Variants in GPATCH1 observed in about 807,000 individuals in gnomAD.
GPATCH1 encodes the protein G patch domain-containing protein 1.
GPATCH1 carries 73 observed loss-of-function variants against 114.9 expected under a neutral mutation model. The observed-to-expected ratio is 0.64, with a 90% CI of 0.53 to 0.77. GPATCH1 has a LOEUF of 0.77. Among genes scored for constraint, GPATCH1 ranks in the 30% least tolerant of loss-of-function variants. The pLI is 0.00. For synonymous variants in GPATCH1, 391 were observed against 428.4 expected (o/e 0.91, Z 1.08); for missense variants, 1,058 against 1,144.3 (o/e 0.92, Z 1.09).
chr19:33,109,457 G>A (rs1373905749), intron 10 of GPATCH1, among the ~76,000 whole-genome samples: 2 of 152,112 alleles, frequency 1.3e-5, no homozygotes, highest in Non-Finnish European at 2.9e-5. Flanking sequence ...AGGTTGCAGT[G>A]AGCTGAGATG....
At chr19:33,085,314 C>T (rs768087594) in intron 1 of GPATCH1, among the ~76,000 whole-genome samples, 2 of 151,982 alleles carry the variant, frequency 1.3e-5, no homozygotes, top group African/African-American at 2.4e-5. Context: ...TGGGCTCAAG[C>T]GATCCTCCCA....
intron 3 of GPATCH1, among the ~76,000 whole-genome samples, chr19:33,091,778 A>G (rs1806513868): frequency 6.6e-6 from 1 of 152,150 alleles, no homozygotes; most frequent in Admixed American, 6.6e-5. Flanking sequence ...AAGATTAAAT[A>G]AAACATTTAT....
intron 12 of GPATCH1, 21 bp from the exon 13 acceptor site, chr19:33,112,465 A>AG (rs776733768): frequency 6.2e-7 from 1 of 1,613,806 alleles, no homozygotes; most frequent in East Asian, 2.2e-5. Context: ...TTGATGGAAC[A>AG]GAATGCATGT....
intron 8 of GPATCH1, among the ~76,000 whole-genome samples, chr19:33,101,161 CT>C (rs1479148727): frequency 2.0e-5 from 3 of 152,162 alleles, no homozygotes; most frequent in Non-Finnish European, 4.4e-5. Flanking sequence ...GGTGGTTTTT[CT>C]TGATCTTTTA....
chr19:33,121,320 C>CTTTTTT (rs534893516), intron 17 of GPATCH1, among the ~76,000 whole-genome samples: 9 of 124,522 alleles, frequency 7.2e-5, no homozygotes, highest in East Asian at 2.2e-4. Flanking sequence ...CTTTTCTTTT[C>CTTTTTT]TTTTTTTTTT....
intron 1 of GPATCH1, among the ~76,000 whole-genome samples, chr19:33,083,150 G>A (rs569227647): frequency 7.3e-5 from 11 of 150,048 alleles, no homozygotes; most frequent in Non-Finnish European, 1.5e-4. Flanking sequence ...AGGCTGAGGC[G>A]GGAGAATGGC....
chr19:33,095,702 T>TA (rs1972649542), intron 5 of GPATCH1, 60 bp from the exon 6 acceptor site: 2 of 1,180,646 alleles, frequency 1.7e-6, no homozygotes, highest in Admixed American at 1.7e-5. Context: ...GCGCCCGGCC[T>TA]GGTCGGGGTT....
intron 1 of GPATCH1, among the ~76,000 whole-genome samples, chr19:33,084,423 T>C (rs2145297596): frequency 6.6e-6 from 1 of 152,284 alleles, no homozygotes. Context: ...AGAATTCTTA[T>C]CTACAGCTCA....
chr19:33,130,134 A>C lies in GPATCH1; in HGVS notation c.2770A>C (p.Lys924Gln), dbSNP rs750762107. Residue 924 changes from lysine to glutamine, a missense_variant, in exon 20 of 20, where the codon AAA becomes CAA. Lys to Gln is a moderately conservative substitution (Grantham distance 53). Coordinates refer to ENST00000170564, the MANE Select transcript of GPATCH1 (RefSeq NM_018025.3). ...CTTTTCTGTTTTCTTTTCCAGGCTG[A>C]AAAGTCTTCCACTAAGAAGGCAGTA... ...VSPQELLRRLKSLPLRRQ is the reference protein window; with the variant it reads ...VSPQELLRRLQSLPLRRQ 1.1e-5 allele frequency: 18 copies of C among 1,611,156 alleles called. No individual in the cohort carries two copies. Among genetic ancestry groups the C allele is most frequent in the Admixed American group, 3.3e-5 (2 of 59,946 alleles).
At chr19:33,114,139 A>G (rs959910519) in intron 14 of GPATCH1, 114 bp from the exon 15 acceptor site, 1 of 1,053,256 alleles carries the variant, frequency 9.5e-7, no homozygotes, top group African/African-American at 1.6e-5. Flanking sequence ...GACCCTACAC[A>G]GTGCCAGGCC....
At chr19:33,097,676 C>A (rs1431473599) in intron 7 of GPATCH1, 79 bp from the exon 8 acceptor site, 8 of 1,319,352 alleles carry the variant, frequency 6.1e-6, no homozygotes, top group Non-Finnish European at 8.6e-6. Flanking sequence ...CCAATCACAT[C>A]CTTAAAGTAG....
At position 33,097,850 on chromosome 19, in the gene GPATCH1, T is replaced by A. The variant is rs747508450; in HGVS notation, c.948T>A (p.Pro316=). ...ACACTGTTCTGAAGGACGAGGAGCC[T>A]GGAGACGGACTCTATGGCTGGACAG... The part of the protein sequence containing the change: ...KYDTVLKDEE[P]GDGLYGWTAP... The change falls in exon 8 of 20, where the codon CCT becomes CCA. Residue 316 remains proline, a synonymous_variant. Transcript: ENST00000170564. 1.9e-6 allele frequency: 3 copies of A among 1,614,026 alleles called. No individual in the cohort carries two copies.
chr19:33,086,777 G>C (rs1237848155), intron 1 of GPATCH1, among the ~76,000 whole-genome samples: 4 of 152,032 alleles, frequency 2.6e-5, no homozygotes, highest in Non-Finnish European at 5.9e-5. Context: ...TTAACAAGTA[G>C]TAGAAGGGGA....
At chr19:33,114,681 A>G (rs1370505653) in intron 15 of GPATCH1, among the ~76,000 whole-genome samples, 1 of 152,098 alleles carries the variant, frequency 6.6e-6, no homozygotes, top group Non-Finnish European at 1.5e-5. Flanking sequence ...GAAAATATGT[A>G]CATGTATATT....
chr19:33,121,724 C>G (rs963393011), intron 17 of GPATCH1, among the ~76,000 whole-genome samples: 1 of 152,202 alleles, frequency 6.6e-6, no homozygotes, highest in South Asian at 2.1e-4. Context: ...TATCTGTCAA[C>G]AACTTCCATT....
At chr19:33,111,349 A>C (rs1397787316) in intron 11 of GPATCH1, among the ~76,000 whole-genome samples, 1 of 145,070 alleles carries the variant, frequency 6.9e-6, no homozygotes, top group Non-Finnish European at 1.5e-5. Context: ...ATGCCACTGC[A>C]CTCCAGCCTG....
chr19:33,087,828 C>A (rs116719950), intron 1 of GPATCH1, among the ~76,000 whole-genome samples: 1 of 151,652 alleles, frequency 6.6e-6, no homozygotes, highest in Non-Finnish European at 1.5e-5. Context: ...GGATTACAGA[C>A]GTCTGCCACC....
Position 33,088,135 on chromosome 19 carries a change from T to C in GPATCH1, c.75T>C (p.Gly25=). ...AACTTTTTTTTTTTTTTTTTTTAGG[T>C]GAAAGACCAAAGAAACCAATCCCTC... is the stretch of plus-strand genomic sequence containing the variant. ...YGTGLEPLEE[G]ERPKKPIPLQ... The change falls in exon 2 of 20, where the codon GGT becomes GGC. Residue 25 remains glycine, a splice_region_variant and synonymous_variant. Coordinates refer to ENST00000170564, the MANE Select transcript of GPATCH1 (RefSeq NM_018025.3). 1 of 1,413,304 alleles carries C rather than the reference T, an allele frequency of 7.1e-7. No homozygotes were observed. The highest frequency in any genetic ancestry group is 2.4e-5 in the East Asian group (1 of 41,272). The allele number at this position is 1,413,304 out of a possible 1,614,324, so 87.5% of individuals were successfully genotyped here. A position where few individuals can be genotyped will look rare whatever the true frequency, so the allele number is the denominator to read the frequency against.
chr19:33,101,354 CCT>C, intron 8 of GPATCH1, 139 bp from the exon 9 acceptor site: 1 of 620,890 alleles, frequency 1.6e-6, no homozygotes, highest in Non-Finnish European at 2.8e-6. Context: ...CTTGTTCTTC[CCT>C]TTACTGCTGC....
Sources: allele counts gnomAD v4.1 joint callset (sites outside exome capture counted in the v4.1 genomes callset), GRCh38; gene constraint gnomAD v4.1.1; transcripts MANE v1.5; gene names NCBI Gene and HGNC (gene_info 2026-07-23, HGNC 2026-07-21).